TUBGCP3: variants seen among roughly 807,000 people sequenced by gnomAD.
The protein encoded by TUBGCP3 is tubulin gamma complex component 3, also known as gamma-tubulin complex component 3.
In TUBGCP3, 50 loss-of-function variants were observed where a neutral mutation model predicts 123.1. The ratio of observed to expected loss-of-function variants is 0.41; its 90% CI spans 0.32 to 0.51. The LOEUF (loss-of-function observed/expected upper bound fraction) is 0.51. TUBGCP3 is among the 20% of genes least tolerant of loss of function. The probability of loss-of-function intolerance (pLI) is 0.36; values close to 1 mark genes in which losing one functional copy is unlikely to be tolerated. For missense variants in TUBGCP3, 882 were observed against 1,127.0 expected (o/e 0.78, Z 3.11); for synonymous variants, 405 against 413.9 (o/e 0.98, Z 0.26).
Position 112,520,564 on chromosome 13 carries a change from A to G in TUBGCP3, c.1746-543T>C, listed in dbSNP as rs151149470. ...AAAAAAAAAGAACTGATTTTGATTC[A>G]GCTTAAATTGAAAGTACTTAAATGT... On this transcript the variant is annotated intron_variant, in intron 14 of 21. Coordinates refer to ENST00000261965, the MANE Select transcript of TUBGCP3 (RefSeq NM_006322.6). Among the ~76,000 whole-genome samples, 9 of 152,306 alleles carry G rather than the reference A, an allele frequency of 5.9e-5. No homozygotes were observed. In the East Asian group the frequency reaches 1.5e-3, roughly 26 times the overall value.
the TUBGCP3 span, among the ~76,000 whole-genome samples, chr13:112,595,309 G>T: frequency 0.031 from 4,763 of 151,774 alleles, 103 homozygotes; most frequent in Middle Eastern, 0.058. Flanking sequence ...CCATTCTCCT[G>T]CCTCAGCCTC....
At chr13:112,503,926 AATGTGGCTGC>A (rs1352068041) in intron 19 of TUBGCP3, 96 bp downstream of exon 19, 1 of 1,334,762 alleles carries the variant, frequency 7.5e-7, no homozygotes, top group African/African-American at 1.5e-5. Context: ...AATTATTACC[AATGTGGCTGC>A]ATCAGGGCAT....
At chr13:112,559,715 G>A (rs2274304) in intron 3 of TUBGCP3, among the ~76,000 whole-genome samples, 23,916 of 152,014 alleles carry the variant, frequency 0.16, 2,114 homozygotes, top group East Asian at 0.21. Context: ...TTCTTATAAT[G>A]TCCCCAAAAC....
At position 112,516,427 on chromosome 13, in the gene TUBGCP3, G is replaced by A; in HGVS notation, c.2086+13C>T. The stretch of plus-strand genomic sequence containing the variant: ...GGAGTGTGTGCGGACCCGTGACCGT[G>A]CTGGGGGCTCACCTGGCATGTTTCT... On this transcript the variant is annotated intron_variant, in intron 17 of 21. Transcript: ENST00000261965. 6.3e-7 allele frequency: 1 copy of A among 1,588,284 alleles called. No individual in the cohort carries two copies. Among genetic ancestry groups the A allele is most frequent in the Non-Finnish European group, 8.6e-7 (1 of 1,165,374 alleles).
At chr13:112,525,353 A>AT (rs1284629693) in intron 13 of TUBGCP3, among the ~76,000 whole-genome samples, 1 of 152,078 alleles carries the variant, frequency 6.6e-6, no homozygotes, top group Non-Finnish European at 1.5e-5. Context: ...GAAAATACCC[A>AT]AAGCGCTTCA....
rs147600557 is a variant in TUBGCP3 at position 112,519,559 on chromosome 13, A to G, written c.1881+327T>C. ...GTGCTCCTGTTGGATTTACTATGAG[A>G]AGAAAGCACCATTTTCTAAGCATCT... On this transcript the variant is annotated intron_variant, in intron 15 of 21. Coordinates refer to ENST00000261965, the MANE Select transcript of TUBGCP3 (RefSeq NM_006322.6). The surrounding 1 kb of genome is among the most constrained non-coding windows in gnomAD (Gnocchi z 6.2). Among the ~76,000 whole-genome samples, 2 of 152,210 alleles carry G rather than the reference A, an allele frequency of 1.3e-5. No individual in the cohort carries two copies. The highest frequency in any genetic ancestry group is 4.8e-5 in the African/African-American group (2 of 41,448).
intron 1 of TUBGCP3, among the ~76,000 whole-genome samples, chr13:112,571,242 G>A (rs1422187071): frequency 6.6e-6 from 1 of 152,140 alleles, no homozygotes; most frequent in Non-Finnish European, 1.5e-5. Context: ...CACTATCTAT[G>A]GCAACTATAG....
chr13:112,540,579 G>A (rs9604350), intron 11 of TUBGCP3, among the ~76,000 whole-genome samples: 25 of 117,658 alleles, frequency 2.1e-4, no homozygotes, highest in South Asian at 7.9e-4. Flanking sequence ...GAATGAGGAC[G>A]TCAATGTAGT....
chr13:112,569,506 A>G (rs1003847167), intron 1 of TUBGCP3, among the ~76,000 whole-genome samples: 1 of 152,232 alleles, frequency 6.6e-6, no homozygotes, highest in Non-Finnish European at 1.5e-5. Context: ...ATGACAAAAA[A>G]CAAACTGGCT....
At chr13:112,547,386 C>G in intron 10 of TUBGCP3, 1 of 605,734 alleles carries the variant, frequency 1.7e-6, no homozygotes, top group Non-Finnish European at 2.4e-6. Flanking sequence ...TCTTGGCTCC[C>G]ATCTGTCGAT....
intron 11 of TUBGCP3, among the ~76,000 whole-genome samples, chr13:112,535,933 A>T (rs1459539848): frequency 6.6e-6 from 1 of 152,226 alleles, no homozygotes; most frequent in African/African-American, 2.4e-5. Context: ...ATTTTGAGTT[A>T]ATCTTTACAT....
intron 8 of TUBGCP3, among the ~76,000 whole-genome samples, chr13:112,552,485 G>C (rs549877778): frequency 6.6e-6 from 1 of 152,190 alleles, no homozygotes; most frequent in Non-Finnish European, 1.5e-5. Flanking sequence ...GCTGGTCATC[G>C]AGCAATTCAC....
chr13:112,562,389 A>T, intron 3 of TUBGCP3, among the ~76,000 whole-genome samples: 1 of 152,266 alleles, frequency 6.6e-6, no homozygotes, highest in Non-Finnish European at 1.5e-5. Context: ...TGGAGACAGC[A>T]GCTGCAGGGT....
rs773009546 is a variant in TUBGCP3, at chr13:112,516,549, G to A, written c.1977C>T (p.His659=). 124 of 1,613,794 alleles carry A rather than the reference G, an allele frequency of 7.7e-5. No individual in the cohort carries two copies. The highest frequency in any genetic ancestry group is 6.8e-6 in the Non-Finnish European group (8 of 1,179,924). The change falls in exon 17 of 22, where the codon CAC becomes CAT. Residue 659 remains histidine, a synonymous_variant. Coordinates refer to ENST00000261965, the MANE Select transcript of TUBGCP3 (RefSeq NM_006322.6). ...ATVFTRECMS[H]YLRVFNFLWR... Reference sequence around the variant, plus strand: ...AGAGGAAGTTAAATACTCTTAGGTAGTGGCTCATACATTCTCGAGTAAACA... The same window carrying A: ...AGAGGAAGTTAAATACTCTTAGGTAATGGCTCATACATTCTCGAGTAAACA...
chr13:112,582,877 C>G (rs1269611200), intron 1 of TUBGCP3, among the ~76,000 whole-genome samples: 2 of 152,152 alleles, frequency 1.3e-5, no homozygotes, highest in East Asian at 3.9e-4. Context: ...GACCAGAGAG[C>G]AGTGCTGCTG....
At chr13:112,515,386 T>G (rs1876023930) in intron 17 of TUBGCP3, among the ~76,000 whole-genome samples, 1 of 152,120 alleles carries the variant, frequency 6.6e-6, no homozygotes, top group Admixed American at 6.5e-5. Context: ...CTGGTGGTAT[T>G]CATAAGAACA....
chr13:112,577,526 C>T (rs1013295158), intron 1 of TUBGCP3, among the ~76,000 whole-genome samples: 4 of 151,944 alleles, frequency 2.6e-5, no homozygotes, highest in Non-Finnish European at 5.9e-5. Context: ...AGAGACAAGA[C>T]AAATGAATGT....
chr13:112,594,255 A>T, the TUBGCP3 span, among the ~76,000 whole-genome samples: 2 of 152,278 alleles, frequency 1.3e-5, no homozygotes, highest in South Asian at 2.1e-4. Flanking sequence ...TAACAAAGTG[A>T]TTGCAGATTA....
At chr13:112,551,982 C>T (rs9604357) in intron 8 of TUBGCP3, among the ~76,000 whole-genome samples, 19,109 of 152,086 alleles carry the variant, frequency 0.13, 1,903 homozygotes, top group African/African-American at 0.28. Context: ...CTTGAATGCA[C>T]GGTTCACAAC....
Sources: allele counts gnomAD v4.1 joint callset (sites outside exome capture counted in the v4.1 genomes callset), GRCh38; gene constraint gnomAD v4.1.1; non-coding constraint Gnocchi (gnomAD v3.1); transcripts MANE v1.5; gene names NCBI Gene and HGNC (gene_info 2026-07-23, HGNC 2026-07-21).